Variants in MAP4K5 observed in about 807,000 individuals in gnomAD.
MAP4K5 encodes MAPK/ERK kinase kinase kinase 5.
Under a neutral mutation model 135.6 loss-of-function variants are expected in MAP4K5, and 82 were observed. That is an observed-to-expected ratio of 0.60 (90% confidence interval 0.51 to 0.73). MAP4K5 has a LOEUF of 0.73. Ranked by LOEUF, MAP4K5 falls within the 30% of genes least tolerant of loss-of-function variation. MAP4K5 has a pLI of 0.00. For synonymous variants in MAP4K5, 347 were observed against 335.0 expected, an observed-to-expected ratio of 1.04 and a Z score of -0.39; for missense variants, 907 against 1,010.9, an observed-to-expected ratio of 0.90 and a Z score of 1.39.
chr14:50,425,845 C>A (rs1287831376), intron 31 of MAP4K5, 62 bp downstream of exon 31: 1 of 1,155,446 alleles, frequency 8.7e-7, no homozygotes, highest in East Asian at 2.4e-5. Context: ...ATGCATAAAA[C>A]GAGTGCTTCG....
chr14:50,428,450 TTC>T (rs67765044), intron 30 of MAP4K5, among the ~76,000 whole-genome samples: 149,116 of 152,148 alleles, frequency 0.98, 73,139 homozygotes, highest in Middle Eastern at 1. Flanking sequence ...GAGACGGGGT[TTC>T]TCTCCATGTT....
intron 29 of MAP4K5, 150 bp from the exon 30 acceptor site, chr14:50,428,904 A>G: frequency 1.6e-6 from 1 of 618,128 alleles, no homozygotes; most frequent in Non-Finnish European, 2.8e-6. Context: ...ATGGCAAAAA[A>G]TACTGTAAGA....
chr14:50,529,514 C>A (rs2038340530), intron 2 of MAP4K5, among the ~76,000 whole-genome samples: 1 of 152,154 alleles, frequency 6.6e-6, no homozygotes, highest in Non-Finnish European at 1.5e-5. Flanking sequence ...TTCATTCATT[C>A]ATTCATCAAA....
intron 9 of MAP4K5, among the ~76,000 whole-genome samples, chr14:50,470,903 A>G (rs566894822): frequency 6.6e-6 from 1 of 152,188 alleles, no homozygotes; most frequent in South Asian, 2.1e-4. Context: ...AAATTACCAG[A>G]TATGGAATTA....
chr14:50,458,672 G>A (rs894032165), intron 13 of MAP4K5, among the ~76,000 whole-genome samples: 6 of 151,972 alleles, frequency 3.9e-5, no homozygotes, highest in African/African-American at 1.5e-4. Flanking sequence ...TAAATTTTGG[G>A]AGAAATGTCA....
intron 2 of MAP4K5, among the ~76,000 whole-genome samples, chr14:50,513,835 T>C (rs1199742656): frequency 6.6e-6 from 1 of 152,078 alleles, no homozygotes; most frequent in African/African-American, 2.4e-5. Context: ...AATCCAGACA[T>C]CTCAATATTT....
chr14:50,455,108 T>C (rs2036571401), intron 14 of MAP4K5, among the ~76,000 whole-genome samples: 1 of 151,810 alleles, frequency 6.6e-6, no homozygotes, highest in Non-Finnish European at 1.5e-5. Context: ...AATCCATGAG[T>C]AGAAAGATTG....
chr14:50,419,988 T>G lies in MAP4K5; in HGVS notation c.*31A>C. 6.9e-7 allele frequency: 1 copy of G among 1,459,770 alleles called. No homozygotes were observed. The highest frequency in any genetic ancestry group is 1.2e-5 in the South Asian group (1 of 84,000). The allele number at this position is 1,459,770 out of a possible 1,614,324, so 90.4% of individuals were successfully genotyped here. The stretch of plus-strand genomic sequence containing the variant: ...TTTCCTTTCAATGGAGTATATTCAT[T>G]TTCCTGTCATTTGAGATCAGTTTCT... On this transcript the variant is annotated 3_prime_UTR_variant, in exon 33 of 33. Transcript: ENST00000682126.
chr14:50,445,964 C>G, intron 17 of MAP4K5, 115 bp downstream of exon 17: 1 of 571,832 alleles, frequency 1.7e-6, no homozygotes. Flanking sequence ...TTGAAGAAAA[C>G]TCTATTCATC....
chr14:50,421,511 G>A (rs927365233), intron 32 of MAP4K5, among the ~76,000 whole-genome samples: 1 of 151,730 alleles, frequency 6.6e-6, no homozygotes, highest in Non-Finnish European at 1.5e-5. Flanking sequence ...ATCCACCTGC[G>A]TCGGCCTCCT....
intron 13 of MAP4K5, among the ~76,000 whole-genome samples, chr14:50,457,794 GATTC>G (rs1046612852): frequency 1.3e-5 from 2 of 152,208 alleles, no homozygotes; most frequent in African/African-American, 4.8e-5. Flanking sequence ...CAAGTCCATT[GATTC>G]ATTATTTTCT....
At chr14:50,526,833 G>A (rs924830275) in intron 2 of MAP4K5, among the ~76,000 whole-genome samples, 1 of 152,144 alleles carries the variant, frequency 6.6e-6, no homozygotes, top group Non-Finnish European at 1.5e-5. Context: ...GGAAAAGAAA[G>A]TAAAGGCATA....
intron 1 of MAP4K5, among the ~76,000 whole-genome samples, chr14:50,558,686 G>A (rs2038795646): frequency 6.6e-6 from 1 of 152,000 alleles, no homozygotes; most frequent in Admixed American, 6.6e-5. Flanking sequence ...CTTAAAAATG[G>A]GATTCATATG....
rs747158032 is a variant in MAP4K5 at position 50,486,132 on chromosome 14, T to A, written c.229A>T (p.Ile77Phe). 7.1e-7 allele frequency: 1 copy of A among 1,410,866 alleles called. No individual in the cohort carries two copies. Among genetic ancestry groups the A allele is most frequent in the South Asian group, 1.3e-5 (1 of 75,924 alleles). 87.4% of individuals were successfully genotyped at this position (1,410,866 alleles called of 1,614,324 possible). Residue 77 changes from isoleucine to phenylalanine, a missense_variant, in exon 4 of 33, where the codon ATC becomes TTC. Transcript: ENST00000682126. ...FMVKECKHCN[I>F]VAYFGSYLSR... The stretch of plus-strand genomic sequence containing the variant: ...AGATAACTCCCAAAGTAGGCAACGA[T>A]GTTACAATGTTTACATTCTTTAACC...
chr14:50,431,775 G>C (rs903252700), intron 28 of MAP4K5, among the ~76,000 whole-genome samples: 1 of 151,900 alleles, frequency 6.6e-6, no homozygotes, highest in African/African-American at 2.4e-5. Flanking sequence ...CCCAGTAATG[G>C]GATGGCTGGG....
chr14:50,451,086 TTA>T (rs1219366936), intron 14 of MAP4K5, among the ~76,000 whole-genome samples: 1 of 152,224 alleles, frequency 6.6e-6, no homozygotes, highest in South Asian at 2.1e-4. Flanking sequence ...AAAACAGAAA[TTA>T]TATATATGGA....
At chr14:50,546,368 G>C (rs186396772) in intron 1 of MAP4K5, among the ~76,000 whole-genome samples, 1 of 151,552 alleles carries the variant, frequency 6.6e-6, no homozygotes, top group African/African-American at 2.4e-5. Context: ...GGTACTGGGT[G>C]TGTGTGTGTG....
chr14:50,508,886 T>C (rs1427939297), intron 2 of MAP4K5, among the ~76,000 whole-genome samples: 1 of 152,100 alleles, frequency 6.6e-6, no homozygotes, highest in Non-Finnish European at 1.5e-5. Flanking sequence ...ACTGGGTATA[T>C]ACCCAAAGGA....
rs529658940 is a variant in MAP4K5, at chr14:50,529,083, C to A, written c.108+2859G>T. On this transcript the variant is annotated intron_variant, in intron 2 of 32. Coordinates refer to ENST00000682126, the MANE Select transcript of MAP4K5 (RefSeq NM_006575.6). The stretch of plus-strand genomic sequence containing the variant: ...TAATAAAAATACACACGCAGGGTAT[C>A]ATTAGACAGCATCACAGGGCCGGAT... Among the ~76,000 whole-genome samples the A allele has an allele frequency of 2.0e-5, 3 of 152,188 alleles. No individual in the cohort carries two copies. The South Asian group carries it at 6.2e-4, about 32-fold the overall frequency.
Sources: allele counts gnomAD v4.1 joint callset (sites outside exome capture counted in the v4.1 genomes callset), GRCh38; gene constraint gnomAD v4.1.1; transcripts MANE v1.5; gene names NCBI Gene and HGNC (gene_info 2026-07-23, HGNC 2026-07-21).